The following SH3BP5 variants were observed in gnomAD, a reference collection of about 807,000 sequenced individuals.
SH3BP5 encodes SH3 domain-binding protein 5.
In SH3BP5, 22 loss-of-function variants were observed where a neutral mutation model predicts 43.3. The ratio of observed to expected loss-of-function variants is 0.51; its 90% CI spans 0.36 to 0.73. The LOEUF (loss-of-function observed/expected upper bound fraction) is 0.73, where lower values mean the gene tolerates loss of function less well. Ranked by LOEUF, SH3BP5 falls within the 30% of genes least tolerant of loss-of-function variation. The pLI is 0.00. For synonymous variants in SH3BP5, 255 were observed against 225.8 expected, an observed-to-expected ratio of 1.13 and a Z score of -1.16; for missense variants, 529 against 586.9, an observed-to-expected ratio of 0.90 and a Z score of 1.02.
chr3:15,262,691 C>T (rs1302449473), intron 4 of SH3BP5, among the ~76,000 whole-genome samples: 1 of 151,742 alleles, frequency 6.6e-6, no homozygotes, highest in Non-Finnish European at 1.5e-5. Flanking sequence ...GGCACGGTGG[C>T]TCACACCTGT....
intron 2 of SH3BP5, among the ~76,000 whole-genome samples, chr3:15,308,343 T>G (rs1377735138): frequency 6.6e-6 from 1 of 152,224 alleles, no homozygotes; most frequent in African/African-American, 2.4e-5. Flanking sequence ...TAGGTGCTAT[T>G]GTTGTTATTC....
At chr3:15,276,894 G>A (rs1696986688) in intron 3 of SH3BP5, among the ~76,000 whole-genome samples, 1 of 152,094 alleles carries the variant, frequency 6.6e-6, no homozygotes, top group Non-Finnish European at 1.5e-5. Context: ...TATAGATATA[G>A]TACATCATTT....
At chr3:15,330,775 T>C (rs1698590774) in intron 1 of SH3BP5, 1 of 984,568 alleles carries the variant, frequency 1.0e-6, no homozygotes, top group Non-Finnish European at 1.2e-6. Context: ...AGGGTGTCCC[T>C]TTTGACAATG....
At chr3:15,311,848 A>T (rs1385347463) in intron 2 of SH3BP5, among the ~76,000 whole-genome samples, 1 of 151,756 alleles carries the variant, frequency 6.6e-6, no homozygotes, top group African/African-American at 2.4e-5. Context: ...TAATTTTTAA[A>T]TTTTTTGTAG....
chr3:15,255,997 T>A lies in SH3BP5; in HGVS notation c.*89A>T. The A allele has an allele frequency of 3.8e-6, 4 of 1,065,506 alleles. No individual in the cohort carries two copies. Among genetic ancestry groups the A allele is most frequent in the Non-Finnish European group, 5.6e-6 (4 of 711,520 alleles). 66.0% of individuals were successfully genotyped at this position (1,065,506 alleles called of 1,614,324 possible). ...AGCAGTTTAGAGTAGACGTGTAAGA[T>A]TTGGCATATATTAAATGATTATTGG... On this transcript the variant is annotated 3_prime_UTR_variant, in exon 9 of 9. Coordinates refer to ENST00000383791, the MANE Select transcript of SH3BP5 (RefSeq NM_004844.5).
At chr3:15,331,752 A>G (rs1181973051) in intron 1 of SH3BP5, 1 of 153,106 alleles carries the variant, frequency 6.5e-6, no homozygotes, top group Non-Finnish European at 1.5e-5. Flanking sequence ...CTAACAATCA[A>G]TCAGAGAAGG....
rs548617937 is a variant in SH3BP5 at position 15,316,500 on chromosome 3, G to A, written c.202-12269C>T. ...GGCCTCCCAAAGTGCTGGGATTACA[G>A]GTGTGAACCACATACCCAGCCAAGA... On this transcript the variant is annotated intron_variant, in intron 2 of 8. Transcript: ENST00000383791. Among the ~76,000 whole-genome samples the A allele has an allele frequency of 1.0e-3, 159 of 152,224 alleles. 1 individual carries two copies. Among genetic ancestry groups the A allele is most frequent in the African/African-American group, 3.6e-3 (151 of 41,540 alleles).
intron 4 of SH3BP5, among the ~76,000 whole-genome samples, chr3:15,267,629 G>T (rs1200295369): frequency 2.6e-5 from 4 of 152,166 alleles, no homozygotes; most frequent in Non-Finnish European, 5.9e-5. Context: ...GCCCTATGAA[G>T]CCCTCATGAC....
At chr3:15,307,337 A>G (rs1697938755) in intron 2 of SH3BP5, among the ~76,000 whole-genome samples, 1 of 152,192 alleles carries the variant, frequency 6.6e-6, no homozygotes, top group Non-Finnish European at 1.5e-5. Flanking sequence ...GGAATAGAGA[A>G]GCCCCACAGA....
chr3:15,308,626 C>A (rs1357040810), intron 2 of SH3BP5, among the ~76,000 whole-genome samples: 1 of 152,074 alleles, frequency 6.6e-6, no homozygotes, highest in Non-Finnish European at 1.5e-5. Flanking sequence ...CGCCTCCTGG[C>A]CATTATAAAG....
upstream of SH3BP5, chr3:15,333,031 GGCTGCGGCCTC>G: frequency 5.3e-6 from 5 of 942,378 alleles, no homozygotes; most frequent in Non-Finnish European, 6.3e-6. Flanking sequence ...CATTGCCGAA[GGCTGCGGCCTC>G]TCTGGGCGAG....
At chr3:15,268,200 C>T (rs1696696594) in intron 4 of SH3BP5, among the ~76,000 whole-genome samples, 1 of 152,180 alleles carries the variant, frequency 6.6e-6, no homozygotes, top group Admixed American at 6.5e-5. Flanking sequence ...GTAAAGTCAA[C>T]GCGGATTTGA....
intron 1 of SH3BP5, among the ~76,000 whole-genome samples, chr3:15,331,357 G>C (rs1462318449): frequency 1.3e-5 from 2 of 152,060 alleles, no homozygotes; most frequent in Non-Finnish European, 2.9e-5. Flanking sequence ...CTTTTAAATT[G>C]ATCTGTGCAC....
chr3:15,314,222 T>TC (rs903325922), intron 2 of SH3BP5, among the ~76,000 whole-genome samples: 4 of 151,954 alleles, frequency 2.6e-5, no homozygotes, highest in African/African-American at 9.7e-5. Context: ...AACCTCTGCC[T>TC]CCCAGGTTCA....
rs1175252127 is a variant in SH3BP5, at chr3:15,304,684, AG to A, written c.202-454del. Reference sequence around the variant, plus strand: ...ACAAAAATTAGCCAGGCGTGGTAGCAGGTACCTGCTGTCCCAGCCACTCAGG... The same window carrying A: ...ACAAAAATTAGCCAGGCGTGGTAGCAGTACCTGCTGTCCCAGCCACTCAGG... On this transcript the variant is annotated intron_variant, in intron 2 of 8. Transcript: ENST00000383791. 2.0e-5 allele frequency among the ~76,000 whole-genome samples: 3 copies of A among 151,998 alleles called. No homozygotes were observed. The East Asian group carries it at 5.8e-4, about 29-fold the overall frequency.
intron 2 of SH3BP5, among the ~76,000 whole-genome samples, chr3:15,319,638 C>CT (rs1698271459): frequency 1.3e-5 from 2 of 152,316 alleles, no homozygotes; most frequent in South Asian, 4.1e-4. Context: ...ACCTGGTCAT[C>CT]TTAGGACACT....
intron 3 of SH3BP5, among the ~76,000 whole-genome samples, chr3:15,296,222 C>G (rs1433169976): frequency 6.6e-6 from 1 of 152,008 alleles, no homozygotes; most frequent in African/African-American, 2.4e-5. Flanking sequence ...GGATACAGAC[C>G]AACTGTATAC....
intron 3 of SH3BP5, among the ~76,000 whole-genome samples, chr3:15,287,579 G>A (rs941022823): frequency 8.5e-5 from 13 of 152,184 alleles, no homozygotes; most frequent in Admixed American, 2.6e-4. Flanking sequence ...AATATGGCCA[G>A]CCAGGGTGAA....
At chr3:15,262,951 C>T (rs1424611309) in intron 4 of SH3BP5, among the ~76,000 whole-genome samples, 1 of 152,108 alleles carries the variant, frequency 6.6e-6, no homozygotes, top group Non-Finnish European at 1.5e-5. Context: ...CAGCAAGACT[C>T]CATCTCAAAA....
Sources: allele counts gnomAD v4.1 joint callset (sites outside exome capture counted in the v4.1 genomes callset), GRCh38; gene constraint gnomAD v4.1.1; transcripts MANE v1.5; gene names NCBI Gene and HGNC (gene_info 2026-07-23, HGNC 2026-07-21).